The following UPP2 variants were observed in gnomAD, a reference collection of about 807,000 sequenced individuals.
The protein encoded by UPP2 is uridine phosphorylase 2, also known as UPase 2.
A neutral mutation model predicts 26.7 loss-of-function variants in UPP2; 23 were observed. The observed-to-expected ratio is 0.86, with a 90% confidence interval of 0.62 to 1.22. UPP2 has a LOEUF of 1.22. Among genes scored for constraint, UPP2 ranks in the 50% most tolerant of loss-of-function variants. UPP2 has a pLI of 0.00. For synonymous variants in UPP2, 127 were observed against 141.3 expected (o/e 0.90, Z 0.72); for missense variants, 387 against 396.7 (o/e 0.98, Z 0.21).
chr2:158,045,137 C>T (rs1239261832), intron 3 of UPP2, among the ~76,000 whole-genome samples: 2 of 152,122 alleles, frequency 1.3e-5, no homozygotes, highest in South Asian at 2.1e-4. Flanking sequence ...AAATAATGGG[C>T]TTGAAAACCA....
chr2:158,096,062 G>A (rs13413757), intron 3 of UPP2, among the ~76,000 whole-genome samples: 4,095 of 152,188 alleles, frequency 0.027, 188 homozygotes, highest in African/African-American at 0.09. Context: ...CTGTTGACCA[G>A]GCCACTAGAG....
At chr2:158,009,019 C>G (rs1434105661) in intron 2 of UPP2, among the ~76,000 whole-genome samples, 1 of 152,086 alleles carries the variant, frequency 6.6e-6, no homozygotes, top group African/African-American at 2.4e-5. Flanking sequence ...TAAGGGTTAT[C>G]CTTGAAATAC....
At chr2:158,000,902 C>A (rs1057144015) in intron 2 of UPP2, among the ~76,000 whole-genome samples, 3 of 152,224 alleles carry the variant, frequency 2.0e-5, no homozygotes, top group Non-Finnish European at 2.9e-5. Context: ...ATAAAAAATT[C>A]TAAAATATGA....
chr2:158,061,957 T>A (rs547572743), intron 3 of UPP2, among the ~76,000 whole-genome samples: 11 of 152,252 alleles, frequency 7.2e-5, no homozygotes, highest in Non-Finnish European at 1.6e-4. Flanking sequence ...GCGACAGGCA[T>A]GTTGCATCCC....
chr2:157,995,182 A>T, exon 2 of UPP2: 1 of 1,613,492 alleles, frequency 6.2e-7, no homozygotes, highest in East Asian at 2.2e-5. Context: ...ATTCCTAGGG[A>T]CTTCACCAGT....
At chr2:158,080,127 C>T (rs534763419) in intron 3 of UPP2, among the ~76,000 whole-genome samples, 2 of 152,090 alleles carry the variant, frequency 1.3e-5, no homozygotes, top group African/African-American at 2.4e-5. Context: ...TCTTTAATTA[C>T]ATATTCATAA....
intron 6 of UPP2, among the ~76,000 whole-genome samples, chr2:158,128,358 T>A (rs1239653168): frequency 6.6e-6 from 1 of 152,206 alleles, no homozygotes; most frequent in Non-Finnish European, 1.5e-5. Flanking sequence ...GATATTGGAC[T>A]CTGAGAACTG....
intron 6 of UPP2, among the ~76,000 whole-genome samples, chr2:158,125,878 C>T (rs1397403344): frequency 6.6e-6 from 1 of 152,198 alleles, no homozygotes; most frequent in African/African-American, 2.4e-5. Context: ...GAAATGCCTC[C>T]TCACATTTCT....
intron 3 of UPP2, among the ~76,000 whole-genome samples, chr2:158,081,402 G>A (rs561977797): frequency 2.4e-4 from 36 of 152,218 alleles, no homozygotes; most frequent in African/African-American, 7.5e-4. Flanking sequence ...ATGGAGAATA[G>A]CATGATAGTT....
chr2:158,030,749 G>T (rs571511642), intron 3 of UPP2, among the ~76,000 whole-genome samples: 1 of 152,242 alleles, frequency 6.6e-6, no homozygotes, highest in South Asian at 2.1e-4. Context: ...ATGTCCCAGG[G>T]GCAGTTCCTT....
intron 3 of UPP2, among the ~76,000 whole-genome samples, chr2:158,056,898 A>G (rs1388344692): frequency 6.6e-6 from 1 of 152,196 alleles, no homozygotes; most frequent in Non-Finnish European, 1.5e-5. Context: ...CTCATCCAAG[A>G]CACCACATTA....
intron 2 of UPP2, among the ~76,000 whole-genome samples, chr2:158,009,029 C>T (rs1683536167): frequency 1.3e-5 from 2 of 152,146 alleles, no homozygotes; most frequent in Admixed American, 6.5e-5. Flanking sequence ...CCTTGAAATA[C>T]ATGCAGACTA....
At chr2:158,127,825 A>T (rs1683726747) in intron 6 of UPP2, 1 of 169,668 alleles carries the variant, frequency 5.9e-6, no homozygotes, top group Non-Finnish European at 1.2e-5. Context: ...GGTGAAGGGA[A>T]ATAGTGGAAT....
chr2:158,097,260 G>A (rs890993742), upstream of UPP2, among the ~76,000 whole-genome samples: 1 of 152,006 alleles, frequency 6.6e-6, no homozygotes, highest in African/African-American at 2.4e-5. Flanking sequence ...GCTGACAATA[G>A]TCAAGTCCTC....
upstream of UPP2, among the ~76,000 whole-genome samples, chr2:158,098,586 T>C (rs1683024227): frequency 6.6e-6 from 1 of 152,174 alleles, no homozygotes; most frequent in Non-Finnish European, 1.5e-5. Context: ...CAAGGGATAA[T>C]ACAAGGAAAT....
chr2:158,112,030 C>A (rs78365488), intron 2 of UPP2, among the ~76,000 whole-genome samples: 1 of 152,228 alleles, frequency 6.6e-6, no homozygotes, highest in East Asian at 1.9e-4. Flanking sequence ...AACTATACTA[C>A]CAAAAATATT....
intron 2 of UPP2, among the ~76,000 whole-genome samples, chr2:158,010,797 G>A (rs985583480): frequency 9.1e-5 from 13 of 142,258 alleles, no homozygotes; most frequent in Admixed American, 5.7e-4. Context: ...ACAGAGTCTC[G>A]CTCTGTCACC....
intron 3 of UPP2, among the ~76,000 whole-genome samples, chr2:158,042,765 G>A (rs75688892): frequency 0.016 from 2,421 of 152,280 alleles, 75 homozygotes; most frequent in African/African-American, 0.055. Flanking sequence ...AGGACACTGG[G>A]TGGCAGAGGG....
At chr2:158,019,472 C>T (rs1273635670) in intron 3 of UPP2, among the ~76,000 whole-genome samples, 1 of 152,080 alleles carries the variant, frequency 6.6e-6, no homozygotes, top group African/African-American at 2.4e-5. Flanking sequence ...AGGCACCACC[C>T]CAGTGGTTCA....
Sources: allele counts gnomAD v4.1 joint callset (sites outside exome capture counted in the v4.1 genomes callset), GRCh38; gene constraint gnomAD v4.1.1; transcripts MANE v1.5; gene names NCBI Gene and HGNC (gene_info 2026-07-23, HGNC 2026-07-21).